NBEA: variants seen among roughly 807,000 people sequenced by gnomAD.
The protein encoded by NBEA is neurobeachin.
NBEA carries 44 observed loss-of-function variants against 343.4 expected under a neutral mutation model. The ratio of observed to expected loss-of-function variants is 0.13; its 90% CI spans 0.10 to 0.16. The LOEUF is 0.16. NBEA is among the 10% of genes least tolerant of loss of function. The pLI is 1.00. For synonymous variants in NBEA, 1,175 were observed against 1,238.7 expected (o/e 0.95, Z 1.08); for missense variants, 2,555 against 3,631.3 (o/e 0.70, Z 7.62).
At chr13:35,476,372 C>A in intron 41 of NBEA, 1 of 1,191,962 alleles carries the variant, frequency 8.4e-7, no homozygotes, top group Non-Finnish European at 1.2e-6. Flanking sequence ...TTCCTTTTAT[C>A]TTTGAGCCCA....
chr13:35,605,696 A>G (rs1593347813), intron 47 of NBEA, among the ~76,000 whole-genome samples: 1 of 152,224 alleles, frequency 6.6e-6, no homozygotes, highest in East Asian at 1.9e-4. Context: ...CTAAAGTAAC[A>G]GAAACCTCAA....
intron 34 of NBEA, among the ~76,000 whole-genome samples, chr13:35,247,846 C>G (rs1223813681): frequency 6.7e-6 from 1 of 150,128 alleles, no homozygotes; most frequent in African/African-American, 2.5e-5. Context: ...TTAAAAAGAT[C>G]AACAAAATTG....
intron 17 of NBEA, among the ~76,000 whole-genome samples, chr13:35,130,504 T>G (rs1335914703): frequency 6.6e-6 from 1 of 151,954 alleles, no homozygotes; most frequent in East Asian, 1.9e-4. Context: ...CACCATGTTA[T>G]GAAAAAGGTG....
At chr13:35,414,204 A>C (rs987493664) in intron 38 of NBEA, among the ~76,000 whole-genome samples, 62 of 151,492 alleles carry the variant, frequency 4.1e-4, no homozygotes, top group African/African-American at 1.4e-3. Context: ...ATGCTTACAA[A>C]TTATTAATAA....
rs548477316 is a variant in NBEA at position 35,407,064 on chromosome 13, A to G, written c.6180-25205A>G. Among the ~76,000 whole-genome samples, 36 of 150,618 alleles carry G rather than the reference A, an allele frequency of 2.4e-4. No homozygotes were observed. In the South Asian group the frequency reaches 6.5e-3, roughly 27 times the overall value. On this transcript the variant is annotated intron_variant, in intron 38 of 58. Transcript: ENST00000379939. The stretch of plus-strand genomic sequence containing the variant: ...ACCCTCTGCCTCCCAGGTTCAAGCA[A>G]TTCTCCTGCCTCAGCCTCCCAGGTG...
At chr13:35,532,532 T>A (rs1345672939) in intron 41 of NBEA, among the ~76,000 whole-genome samples, 1 of 151,356 alleles carries the variant, frequency 6.6e-6, no homozygotes, top group Non-Finnish European at 1.5e-5. Context: ...AATACTTTGA[T>A]TGTGCAGTCA....
intron 41 of NBEA, among the ~76,000 whole-genome samples, chr13:35,546,130 G>C (rs2079046410): frequency 6.6e-6 from 1 of 152,160 alleles, no homozygotes; most frequent in African/African-American, 2.4e-5. Context: ...ATAGATGAGA[G>C]TTCTATTCTC....
chr13:34,984,650 A>G lies in NBEA; in HGVS notation c.294+41536A>G, dbSNP rs555285547. The stretch of plus-strand genomic sequence containing the variant: ...TATCTTGGGCAGTATGGCCATTTTC[A>G]CGATATTGATTCTTCATGAGCATGG... On this transcript the variant is annotated intron_variant, in intron 1 of 58. Coordinates refer to ENST00000379939, the MANE Select transcript of NBEA (RefSeq NM_001385012.1). Among the ~76,000 whole-genome samples, 191 of 151,004 alleles carry G rather than the reference A, an allele frequency of 1.3e-3. 5 individuals carry two copies. The highest frequency in any genetic ancestry group is 4.3e-3 in the African/African-American group (179 of 41,436).
At chr13:35,256,820 G>A (rs1050513883) in intron 34 of NBEA, among the ~76,000 whole-genome samples, 1 of 152,228 alleles carries the variant, frequency 6.6e-6, no homozygotes. Context: ...GGGGAGCCCA[G>A]GCAGCGGGAG....
At chr13:35,277,687 A>G (rs538066606) in intron 34 of NBEA, among the ~76,000 whole-genome samples, 1 of 150,702 alleles carries the variant, frequency 6.6e-6, no homozygotes, top group South Asian at 2.1e-4. Flanking sequence ...GAGGGTAGAA[A>G]GAAAGGAGCA....
chr13:35,653,659 C>T (rs1237121460), intron 53 of NBEA, among the ~76,000 whole-genome samples: 2 of 152,138 alleles, frequency 1.3e-5, no homozygotes, highest in East Asian at 1.9e-4. Flanking sequence ...ATTCATCCTT[C>T]GTCTTTGAAC....
At chr13:35,489,071 T>C (rs976627217) in intron 41 of NBEA, among the ~76,000 whole-genome samples, 1 of 151,886 alleles carries the variant, frequency 6.6e-6, no homozygotes, top group African/African-American at 2.4e-5. Context: ...CGCATGTTTT[T>C]ATTTGCCAAG....
intron 34 of NBEA, among the ~76,000 whole-genome samples, chr13:35,282,863 C>G (rs1330173445): frequency 6.6e-6 from 1 of 152,082 alleles, no homozygotes; most frequent in Admixed American, 6.6e-5. Context: ...CTCCTTGAGA[C>G]CGAAGACTGT....
At chr13:35,133,595 G>T (rs7337588) in intron 17 of NBEA, among the ~76,000 whole-genome samples, 2,419 of 151,958 alleles carry the variant, frequency 0.016, 68 homozygotes, top group African/African-American at 0.05. Context: ...ATAAACTAAG[G>T]TATATTCATA....
intron 44 of NBEA, among the ~76,000 whole-genome samples, chr13:35,557,617 G>A (rs772871850): frequency 2.6e-5 from 4 of 151,982 alleles, no homozygotes; most frequent in Admixed American, 6.6e-5. Flanking sequence ...TACTTCCTTT[G>A]CAATTATTAT....
intron 56 of NBEA, among the ~76,000 whole-genome samples, chr13:35,666,441 C>T (rs1426373354): frequency 6.7e-6 from 1 of 148,692 alleles, no homozygotes; most frequent in East Asian, 2.0e-4. Context: ...AAATAAGTGA[C>T]ACATAGTAGG....
At position 35,432,341 on chromosome 13, in the gene NBEA, T is replaced by A; in HGVS notation, c.6252T>A (p.Asn2084Lys). ...DLRRRRRFVR[N>K]AFGSTHAEAL... ...GTCGAAGGAGACGATTTGTTCGCAA[T>A]GCATTTGGCTCCACTCATGCTGAAG... Residue 2084 changes from asparagine to lysine, a missense_variant, in exon 39 of 59, where the codon AAT becomes AAA. By Grantham distance (94) the Asn-to-Lys change is moderately conservative (BLOSUM62 0). Coordinates refer to ENST00000379939, the MANE Select transcript of NBEA (RefSeq NM_001385012.1). The A allele has an allele frequency of 6.2e-7, 1 of 1,610,234 alleles. No individual in the cohort carries two copies. The highest frequency in any genetic ancestry group is 8.5e-7 in the Non-Finnish European group (1 of 1,178,112).
chr13:35,476,406 T>C, intron 41 of NBEA: 1 of 1,017,016 alleles, frequency 9.8e-7, no homozygotes, highest in South Asian at 1.4e-5. Context: ...TGAAAGACTG[T>C]CCTCCCCCCT....
At chr13:35,428,850 C>T (rs1379946200) in intron 38 of NBEA, among the ~76,000 whole-genome samples, 2 of 152,150 alleles carry the variant, frequency 1.3e-5, no homozygotes, top group Non-Finnish European at 2.9e-5. Context: ...TCTATTTAGA[C>T]TTCCTGTAAC....
Sources: allele counts gnomAD v4.1 joint callset (sites outside exome capture counted in the v4.1 genomes callset), GRCh38; gene constraint gnomAD v4.1.1; transcripts MANE v1.5; gene names NCBI Gene and HGNC (gene_info 2026-07-23, HGNC 2026-07-21).